The following E4F1 variants were observed in gnomAD, a reference collection of about 807,000 sequenced individuals.
E4F1 encodes the protein transcription factor E4F1.
In E4F1, 30 loss-of-function variants were observed where a neutral mutation model predicts 72.9. The observed-to-expected ratio is 0.41, with a 90% CI of 0.31 to 0.56. E4F1 has a LOEUF of 0.56. Among genes scored for constraint, E4F1 ranks in the 20% least tolerant of loss-of-function variants. The pLI is 0.25. For synonymous variants in E4F1, 542 were observed against 478.2 expected (o/e 1.13, Z -1.74); for missense variants, 1,091 against 1,117.5 (o/e 0.98, Z 0.34).
chr16:2,228,870 C>T (rs1345426666), intron 2 of E4F1, among the ~76,000 whole-genome samples: 1 of 152,242 alleles, frequency 6.6e-6, no homozygotes, highest in Non-Finnish European at 1.5e-5. Context: ...TGCACACAGT[C>T]CCTAGGGACT....
chr16:2,224,867 G>A (rs1376056682), intron 1 of E4F1, among the ~76,000 whole-genome samples: 1 of 152,092 alleles, frequency 6.6e-6, no homozygotes, highest in Non-Finnish European at 1.5e-5. Context: ...GGCCTTCACA[G>A]CCCCTTTAAC....
At chr16:2,227,563 G>A (rs967186518) in intron 1 of E4F1, among the ~76,000 whole-genome samples, 1 of 152,044 alleles carries the variant, frequency 6.6e-6, no homozygotes. Context: ...TAGTAGAGAC[G>A]GGGTTTCACG....
Position 2,232,298 on chromosome 16 carries a change from G to A in E4F1, c.543G>A (p.Gln181=). 1 of 1,611,544 alleles carries A rather than the reference G, an allele frequency of 6.2e-7. No homozygotes were observed. The highest frequency in any genetic ancestry group is 8.5e-7 in the Non-Finnish European group (1 of 1,179,160). Residue 181 remains glutamine (Q), a synonymous_variant, in exon 4 of 14, where the codon CAG becomes CAA. Transcript: ENST00000301727. ...LGLAGEGEQA[Q]VKLLVNKDGR... ...TCGCAGGGGAGGGTGAGCAGGCCCAGGTGAAGCTACTGGTGAACAAGGATG... is the reference window on the plus strand; with the variant it reads ...TCGCAGGGGAGGGTGAGCAGGCCCAAGTGAAGCTACTGGTGAACAAGGATG...
rs139395951 is a variant in E4F1, at chr16:2,235,404, G to A, written c.2187G>A (p.Ser729=). The change falls in exon 14 of 14, where the codon TCG becomes TCA. Residue 729 remains serine, a synonymous_variant. Coordinates refer to ENST00000301727, the MANE Select transcript of E4F1 (RefSeq NM_004424.5). ...AGCAGGTGGCCATGACGCTGGCCTC[G>A]GCCATCAGCGAGGGCACTGTGCTTG... ...LTEQVAMTLA[S]AISEGTVLAA... 2.3e-5 allele frequency: 37 copies of A among 1,611,630 alleles called. No individual in the cohort carries two copies. The highest frequency in any genetic ancestry group is 2.1e-4 in the South Asian group (19 of 91,066).
rs751372530 is a variant in E4F1, at chr16:2,232,903, G to A, written c.878G>A (p.Arg293His). ...KDVVVSKEDA[R>H]AGSGAGAAGL... ...GTGGTTGTCAGCAAAGAGGACGCAC[G>A]TGCAGGTCAGCATGGTGCGGGCAGC... Residue 293 changes from arginine (R) to histidine (H), a missense_variant, in exon 6 of 14, where the codon CGT (arginine) becomes CAT (histidine). Arg to His is a conservative substitution (Grantham distance 29, BLOSUM62 0). Transcript: ENST00000301727. 9.3e-6 allele frequency: 15 copies of A among 1,613,192 alleles called. No individual in the cohort carries two copies. The highest frequency in any genetic ancestry group is 1.6e-4 in the Middle Eastern group (1 of 6,084).
chr16:2,225,878 G>A (rs1226445323), intron 1 of E4F1, among the ~76,000 whole-genome samples: 4 of 151,026 alleles, frequency 2.6e-5, no homozygotes, highest in Non-Finnish European at 5.9e-5. Context: ...GGCGGATCCC[G>A]AGGTCAGGAG....
rs1217465122 is a variant in E4F1, at chr16:2,235,468, G to C, written c.2251G>C (p.Val751Leu). 1 of 1,612,454 alleles carries C rather than the reference G, an allele frequency of 6.2e-7. No individual in the cohort carries two copies. The highest frequency in any genetic ancestry group is 2.2e-5 in the East Asian group (1 of 44,840). ...AGTSGTEQAT[V>L]TMVSSEDIEI... ...GACAAGTGGCACTGAACAGGCCACT[G>C]TGACCATGGTGTCATCAGAGGACAT... The change falls in exon 14 of 14, where the codon GTG becomes CTG. Residue 751 changes from valine (V) to leucine (L), a missense_variant. By Grantham distance (32) the Val-to-Leu change is conservative. This residue lies in a region of E4F1 where 622 missense variants were observed against 628.0 expected (regional missense o/e 0.99). Coordinates refer to ENST00000301727, the MANE Select transcript of E4F1 (RefSeq NM_004424.5).
chr16:2,227,398 G>A (rs2093438204), intron 1 of E4F1, among the ~76,000 whole-genome samples: 1 of 152,124 alleles, frequency 6.6e-6, no homozygotes, highest in South Asian at 2.1e-4. Context: ...TTGAAACGGA[G>A]TCTCGCTCTT....
chr16:2,225,621 C>T (rs1364998999), intron 1 of E4F1, among the ~76,000 whole-genome samples: 3 of 151,376 alleles, frequency 2.0e-5, no homozygotes, highest in Non-Finnish European at 2.9e-5. Context: ...TTACGGCACG[C>T]GGCATCACAC....
chr16:2,224,440 A>T (rs2093419132), intron 1 of E4F1, among the ~76,000 whole-genome samples: 1 of 152,148 alleles, frequency 6.6e-6, no homozygotes, highest in Admixed American at 6.5e-5. Context: ...TGACAGGTGG[A>T]TGTTATTGTT....
intron 3 of E4F1, chr16:2,230,684 T>C (rs2093462425): frequency 1.3e-5 from 2 of 152,284 alleles, no homozygotes; most frequent in African/African-American, 4.8e-5. Context: ...AGGGCACCTG[T>C]GAGCAGGCTG....
chr16:2,229,697 G>T (rs569841751), intron 3 of E4F1, 22 bp downstream of exon 3: 7 of 1,610,854 alleles, frequency 4.3e-6, no homozygotes, highest in Non-Finnish European at 5.9e-6. Flanking sequence ...TCCATGAATC[G>T]CTGGCCTGAT....
chr16:2,229,858 C>A (rs2093456366), intron 3 of E4F1, 183 bp downstream of exon 3: 5 of 623,356 alleles, frequency 8.0e-6, no homozygotes, highest in Non-Finnish European at 1.4e-5. Flanking sequence ...GGGCACTGGG[C>A]CTTCCTCAGG....
Position 2,233,422 on chromosome 16 carries a change from TCTGCCTCCCCTG to T in E4F1, c.1057-14_1057-3del. 6.6e-7 allele frequency: 1 copy of T among 1,508,418 alleles called. No individual in the cohort carries two copies. The highest frequency in any genetic ancestry group is 8.8e-7 in the Non-Finnish European group (1 of 1,135,914). The allele number at this position is 1,508,418 out of a possible 1,614,324, so 93.4% of individuals were successfully genotyped here. A position where few individuals can be genotyped will look rare whatever the true frequency, so the allele number is the denominator to read the frequency against. On this transcript the variant is annotated splice_polypyrimidine_tract_variant and splice_region_variant and intron_variant, in intron 7 of 13. Transcript: ENST00000301727. ...CAGGCTGCCTGGCCAGCCTCCTCTCTCTGCCTCCCCTGCAGCCCCCCGTCTCCCAGGAGCTCC... is the reference window on the plus strand; with the variant it reads ...CAGGCTGCCTGGCCAGCCTCCTCTCTCAGCCCCCCGTCTCCCAGGAGCTCC...
chr16:2,226,823 C>T (rs535013880), intron 1 of E4F1, among the ~76,000 whole-genome samples: 5 of 152,328 alleles, frequency 3.3e-5, no homozygotes, highest in East Asian at 1.9e-4. Flanking sequence ...TCTGCACGAC[C>T]GGGGTCCGGC....
Position 2,235,269 on chromosome 16 carries a change from C to G in E4F1, c.2052C>G (p.Ala684=), listed in dbSNP as rs144673455. 3 of 1,611,046 alleles carry G rather than the reference C, an allele frequency of 1.9e-6. No homozygotes were observed. Among genetic ancestry groups the G allele is most frequent in the African/African-American group, 2.7e-5 (2 of 74,936 alleles). The change falls in exon 14 of 14, where the codon GCC becomes GCG. Residue 684 remains alanine, a synonymous_variant. Coordinates refer to ENST00000301727, the MANE Select transcript of E4F1 (RefSeq NM_004424.5). ...AGCAGATCGTGCACCAGGCTAGCGC[C>G]GGCCACCAGATCATCGTGCAGAACG... ...VVQQIVHQAS[A]GHQIIVQNVT... is the part of the protein sequence containing the mutation.
In E4F1 at chr16:2,233,199, G is replaced by A; in HGVS notation, c.1056+16G>A. The A allele has an allele frequency of 1.3e-6, 2 of 1,584,378 alleles. No individual in the cohort carries two copies. The highest frequency in any genetic ancestry group is 1.7e-6 in the Non-Finnish European group (2 of 1,162,806). On this transcript the variant is annotated intron_variant, in intron 7 of 13. Coordinates refer to ENST00000301727, the MANE Select transcript of E4F1 (RefSeq NM_004424.5). ...GGCCCCAGAGGTGGGGGCGACGGGGGGCCCCGGAGGGCTGCTCTGTCTTCT... is the reference window on the plus strand; with the variant it reads ...GGCCCCAGAGGTGGGGGCGACGGGGAGCCCCGGAGGGCTGCTCTGTCTTCT...
chr16:2,223,969 T>C (rs2093414982), intron 1 of E4F1, 199 bp downstream of exon 1: 2 of 1,512,230 alleles, frequency 1.3e-6, no homozygotes, highest in African/African-American at 2.8e-5. Flanking sequence ...GCGGGGCGCC[T>C]GTCATCCCCC....
chr16:2,233,495 C>A lies in E4F1; in HGVS notation c.1114C>A (p.His372Asn), dbSNP rs748010768. ...SSEGSRENLLHQAMQNSGIVL... is the reference protein window; with the variant it reads ...SSEGSRENLLNQAMQNSGIVL... ...CGAGGGCAGCCGTGAGAACCTGCTG[C>A]ACCAGGCCATGCAGAACTCCGGCAT... Residue 372 changes from histidine to asparagine, a missense_variant, in exon 8 of 14, where the codon CAC (histidine) becomes AAC (asparagine). Coordinates refer to ENST00000301727, the MANE Select transcript of E4F1 (RefSeq NM_004424.5). 6.6e-7 allele frequency: 1 copy of A among 1,512,516 alleles called. No individual in the cohort carries two copies. Among genetic ancestry groups the A allele is most frequent in the Non-Finnish European group, 8.8e-7 (1 of 1,132,388 alleles). The allele number at this position is 1,512,516 out of a possible 1,614,324, so 93.7% of individuals were successfully genotyped here. A position where few individuals can be genotyped will look rare whatever the true frequency, so the allele number is the denominator to read the frequency against.
Sources: allele counts gnomAD v4.1 joint callset (sites outside exome capture counted in the v4.1 genomes callset), GRCh38; gene constraint gnomAD v4.1.1; regional missense constraint gnomAD v4.1.1; transcripts MANE v1.5; gene names NCBI Gene and HGNC (gene_info 2026-07-23, HGNC 2026-07-21).